The following POMT1 variants were observed in gnomAD, a reference collection of about 807,000 sequenced individuals.
The protein encoded by POMT1 is protein O-mannosyltransferase 1.
A neutral mutation model predicts 101.6 loss-of-function variants in POMT1; 85 were observed. That is an observed-to-expected ratio of 0.84 (90% CI 0.70 to 1.00). The LOEUF (loss-of-function observed/expected upper bound fraction) is 1.00, where lower values mean the gene tolerates loss of function less well. POMT1 is among the 50% of genes least tolerant of loss of function. The pLI is 0.00. For missense variants in POMT1, 857 were observed against 930.4 expected (o/e 0.92, Z 1.03); for synonymous variants, 371 against 383.0 (o/e 0.97, Z 0.37).
At chr9:131,517,577 T>C (rs939149719) in intron 13 of POMT1, among the ~76,000 whole-genome samples, 9 of 152,150 alleles carry the variant, frequency 5.9e-5, no homozygotes, top group Non-Finnish European at 1.3e-4. Flanking sequence ...CTGCTCCAGA[T>C]TGGCTGTTCC....
rs1415810897 is a variant in POMT1 at position 131,509,893 on chromosome 9, G to A, written c.606-10G>A. On this transcript the variant is annotated splice_polypyrimidine_tract_variant and intron_variant, in intron 7 of 19. Coordinates refer to ENST00000402686, the MANE Select transcript of POMT1 (RefSeq NM_001077365.2). ...CTCATGTTAACTCCATTTCTGTCAT[G>A]TCTTTGCAGCATCAAGTACATGGGT... is the stretch of plus-strand genomic sequence containing the variant. 1 of 1,614,206 alleles carries A rather than the reference G, an allele frequency of 6.2e-7. No individual in the cohort carries two copies. The highest frequency in any genetic ancestry group is 1.1e-5 in the South Asian group (1 of 91,086).
At chr9:131,511,738 C>CT (rs1947155765) in intron 10 of POMT1, 1 of 581,766 alleles carries the variant, frequency 1.7e-6, no homozygotes, top group Non-Finnish European at 3.0e-6. Context: ...GGCTCCTTGT[C>CT]TGTGGTATCT....
rs1950186596 is a variant in POMT1, at chr9:131,522,667, A to AGG, written c.2004-264_2004-263dup. The AGG allele has an allele frequency of 1.7e-5, 10 of 578,316 alleles. No homozygotes were observed. In the South Asian group the frequency reaches 1.8e-4, roughly 10 times the overall value. 35.8% of individuals were successfully genotyped at this position (578,316 alleles called of 1,614,324 possible). On this transcript the variant is annotated intron_variant, in intron 19 of 19. Transcript: ENST00000402686. The surrounding 1 kb of genome is among the most constrained non-coding windows in gnomAD (Gnocchi z 5.5). ...CCGGTTTCAGGAAGCCACACAAGGG[A>AGG]GGACCGTGGGTTTGGGACCAGTCCT...
At chr9:131,507,804 A>G (rs1432316019) in intron 5 of POMT1, among the ~76,000 whole-genome samples, 1 of 152,186 alleles carries the variant, frequency 6.6e-6, no homozygotes, top group African/African-American at 2.4e-5. Flanking sequence ...CAATCTTGTG[A>G]CCAAATGATA....
chr9:131,522,017 A>G lies in POMT1; in HGVS notation c.1826-30A>G, dbSNP rs1254357957. ...AAGACCCGGCCTGTGGGAGCAGCAGAGTCGGTGTAGCTCGAGCCCTTTCCT... is the reference window on the plus strand; with the variant it reads ...AAGACCCGGCCTGTGGGAGCAGCAGGGTCGGTGTAGCTCGAGCCCTTTCCT... On this transcript the variant is annotated intron_variant, in intron 18 of 19. Transcript: ENST00000402686. The surrounding 1 kb of genome is among the most constrained non-coding windows in gnomAD (Gnocchi z 5.5). 5.6e-6 allele frequency: 9 copies of G among 1,613,224 alleles called. No individual in the cohort carries two copies. Among genetic ancestry groups the G allele is most frequent in the Non-Finnish European group, 6.8e-6 (8 of 1,180,022 alleles).
Position 131,506,126 on chromosome 9 carries a change from A to G in POMT1, c.135A>G (p.Val45=). 6.2e-7 allele frequency: 1 copy of G among 1,613,890 alleles called. No individual in the cohort carries two copies. The highest frequency in any genetic ancestry group is 8.5e-7 in the Non-Finnish European group (1 of 1,179,832). ...TYPRAVVFDE[V]YYGQYISFYM... The stretch of plus-strand genomic sequence containing the variant: ...TTTTTTTTTCTAGTTTTGACGAAGT[A>G]TATTATGGGCAGTACATCTCTTTTT... Residue 45 remains valine (V), a synonymous_variant, in exon 3 of 20, where the codon GTA becomes GTG. Transcript: ENST00000402686.
intron 10 of POMT1, 99 bp from the exon 11 acceptor site, chr9:131,511,942 C>T (rs1947205189): frequency 7.9e-7 from 1 of 1,263,598 alleles, no homozygotes; most frequent in Non-Finnish European, 1.1e-6. Flanking sequence ...AACTCCTGGG[C>T]TCAAGCAGTT....
chr9:131,518,806 C>T (rs1292056444), intron 14 of POMT1, 31 bp from the exon 15 acceptor site: 2 of 1,613,774 alleles, frequency 1.2e-6, no homozygotes, highest in African/African-American at 2.7e-5. Flanking sequence ...GCCTTCCCAT[C>T]ACGCCCTTTA....
Position 131,518,471 on chromosome 9 carries a change from A to T in POMT1, c.1299A>T (p.Thr433=), listed in dbSNP as rs1473846152. The change falls in exon 14 of 20, where the codon ACA becomes ACT. Residue 433 remains threonine, a synonymous_variant. Coordinates refer to ENST00000402686, the MANE Select transcript of POMT1 (RefSeq NM_001077365.2). ...RLEIVNRGSD[T]DVWKTILSEV... is the part of the protein sequence containing the mutation. Reference sequence around the variant, plus strand: ...AAATTGTGAACAGAGGATCTGACACAGACGTCTGGAAGACCATCCTCTCAG... The same window carrying T: ...AAATTGTGAACAGAGGATCTGACACTGACGTCTGGAAGACCATCCTCTCAG... 4.3e-6 allele frequency: 7 copies of T among 1,613,732 alleles called. No individual in the cohort carries two copies. The highest frequency in any genetic ancestry group is 5.9e-6 in the Non-Finnish European group (7 of 1,179,850).
intron 10 of POMT1, chr9:131,511,685 CT>C: frequency 1.6e-6 from 1 of 620,272 alleles, no homozygotes; most frequent in Non-Finnish European, 2.8e-6. Context: ...AGCTCTGTGG[CT>C]GTGGCTGACC....
At position 131,511,336 on chromosome 9, in the gene POMT1, G is replaced by A. The variant is rs1230317383; in HGVS notation, c.856-1G>A. The A allele has an allele frequency of 6.2e-7, 1 of 1,609,864 alleles. No homozygotes were observed. The highest frequency in any genetic ancestry group is 1.1e-5 in the South Asian group (1 of 90,982). ...TCATCAACCTTCTGCTTCTGTCTCA[G>A]GGAGGACTAGCTCGGATCACTCAGG... On this transcript the variant is annotated splice_acceptor_variant, in intron 9 of 19. Transcript: ENST00000402686. LOFTEE classifies it high-confidence loss of function.
At position 131,521,071 on chromosome 9, in the gene POMT1, G is replaced by A. The variant is rs1326722676; in HGVS notation, c.1699-275G>A. ...TTGGGCAGGCTGGTCTCAAACTCCT[G>A]ACTTCAGGTGATCTGCCCACCTCAG... On this transcript the variant is annotated intron_variant, in intron 17 of 19. Coordinates refer to ENST00000402686, the MANE Select transcript of POMT1 (RefSeq NM_001077365.2). 1.9e-5 allele frequency: 9 copies of A among 463,602 alleles called. No homozygotes were observed. In the East Asian group the frequency reaches 4.0e-4, roughly 21 times the overall value. 28.7% of individuals were successfully genotyped at this position (463,602 alleles called of 1,614,324 possible).
intron 18 of POMT1, among the ~76,000 whole-genome samples, chr9:131,521,716 C>T (rs764833589): frequency 2.4e-4 from 37 of 152,216 alleles, no homozygotes; most frequent in Non-Finnish European, 4.4e-5. Flanking sequence ...TTATGTTTGT[C>T]TCCCAAGAGA....
chr9:131,518,948 T>A lies in POMT1; in HGVS notation c.1477T>A (p.Tyr493Asn). Residue 493 changes from tyrosine (Y) to asparagine (N), a missense_variant, in exon 15 of 20, where the codon TAC becomes AAC. Coordinates refer to ENST00000402686, the MANE Select transcript of POMT1 (RefSeq NM_001077365.2). ...GGTGTGGAACGTGGAGGAGCACCGA[T>A]ACGGCGCGAGTGAGTCCGCGGCGTG... The part of the protein sequence containing the change: ...STVWNVEEHR[Y>N]GASQEQRERE... 1 of 1,613,574 alleles carries A rather than the reference T, an allele frequency of 6.2e-7. No homozygotes were observed. The highest frequency in any genetic ancestry group is 1.1e-5 in the South Asian group (1 of 91,078).
Position 131,509,857 on chromosome 9 carries a change from T to C in POMT1, c.606-46T>C, listed in dbSNP as rs145650177. 35 of 1,614,222 alleles carry C rather than the reference T, an allele frequency of 2.2e-5. 1 individual carries two copies. The highest frequency in any genetic ancestry group is 5.0e-5 in the Admixed American group (3 of 60,022). ...GGCAGTGTCCTCCTCCATCTCCTTA[T>C]GTTTTCCTGTCTCATGTTAACTCCA... On this transcript the variant is annotated intron_variant, in intron 7 of 19. Coordinates refer to ENST00000402686, the MANE Select transcript of POMT1 (RefSeq NM_001077365.2).
intron 13 of POMT1, among the ~76,000 whole-genome samples, chr9:131,515,856 C>CTA (rs1441919442): frequency 0.01 from 1,006 of 96,988 alleles, 15 homozygotes; most frequent in African/African-American, 0.024. Context: ...AGCACTTCCT[C>CTA]ACAGGGAGCA....
At chr9:131,517,930 T>C (rs960417167) in intron 13 of POMT1, among the ~76,000 whole-genome samples, 1 of 152,248 alleles carries the variant, frequency 6.6e-6, no homozygotes, top group African/African-American at 2.4e-5. Context: ...GACAGTCATG[T>C]GATGTCATGG....
At position 131,515,468 on chromosome 9, in the gene POMT1, C is replaced by T. The variant is rs1948102238; in HGVS notation, c.1218C>T (p.Val406=). The change falls in exon 13 of 20, where the codon GTC becomes GTT. Residue 406 remains valine (V), a synonymous_variant. Coordinates refer to ENST00000402686, the MANE Select transcript of POMT1 (RefSeq NM_001077365.2). ...CCCTGAGCCCCCATTCACAGGAGGT[C>T]TCCTGCTACATTGACTATAACATCT... ...AAPLSPHSQE[V]SCYIDYNISM... 2 of 1,614,220 alleles carry T rather than the reference C, an allele frequency of 1.2e-6. No individual in the cohort carries two copies. Among genetic ancestry groups the T allele is most frequent in the East Asian group, 4.5e-5 (2 of 44,886 alleles).
chr9:131,506,601 A>G (rs2131594085), intron 4 of POMT1, 148 bp downstream of exon 4: 1 of 777,250 alleles, frequency 1.3e-6, no homozygotes. Flanking sequence ...AGTCCAGAAA[A>G]TAATAAATTG....
Sources: gnomAD v4.1 joint callset for allele counts (sites outside exome capture counted in the v4.1 genomes callset) on GRCh38, gnomAD v4.1.1 for gene constraint, Gnocchi (gnomAD v3.1) non-coding constraint, MANE v1.5 for transcripts, NCBI Gene and HGNC (gene_info 2026-07-23, HGNC 2026-07-21) for gene names.